The following RELN variants were observed in gnomAD, a reference collection of about 807,000 sequenced individuals.
RELN encodes the protein reelin.
Under a neutral mutation model 427.6 loss-of-function variants are expected in RELN, and 108 were observed. The ratio of observed to expected loss-of-function variants is 0.25; its 90% confidence interval spans 0.22 to 0.30. The LOEUF (loss-of-function observed/expected upper bound fraction) is 0.30. Among genes scored for constraint, RELN ranks in the 10% least tolerant of loss-of-function variants. The pLI is 1.00. For missense variants in RELN, 3,715 were observed against 4,302.8 expected (o/e 0.86, Z 3.82); for synonymous variants, 1,524 against 1,513.4 (o/e 1.01, Z -0.16).
rs182649341 is a variant in RELN at position 103,951,700 on chromosome 7, T to C, written c.227-34515A>G. 6.6e-3 allele frequency among the ~76,000 whole-genome samples: 985 copies of C among 149,884 alleles called. 18 individuals carry two copies. Among genetic ancestry groups the C allele is most frequent in the African/African-American group, 0.023 (921 of 40,458 alleles). On this transcript the variant is annotated intron_variant, in intron 1 of 64. Coordinates refer to ENST00000428762, the MANE Select transcript of RELN (RefSeq NM_005045.4). ...CCTTTTTTTTTTTTAAAATACAGAG[T>C]CTTGTTCTGTTGCCCAGGCTGAAGT... is the stretch of plus-strand genomic sequence containing the variant.
Position 103,968,219 on chromosome 7 carries a change from T to C in RELN, c.226+20912A>G, listed in dbSNP as rs1037442119. 2.0e-5 allele frequency among the ~76,000 whole-genome samples: 3 copies of C among 152,008 alleles called. No homozygotes were observed. Among genetic ancestry groups the C allele is most frequent in the African/African-American group, 7.2e-5 (3 of 41,392 alleles). On this transcript the variant is annotated intron_variant, in intron 1 of 64. Coordinates refer to ENST00000428762, the MANE Select transcript of RELN (RefSeq NM_005045.4). This position sits in a 1 kb window ranked among gnomAD's most constrained non-coding sequence, Gnocchi z 4.3. ...TTTTCCCCCAAACAAGAAAAATATA[T>C]TGGGAGGCTAAACATTACTTTATGA...
Position 103,670,094 on chromosome 7 carries a change from A to G in RELN, c.1290-8567T>C, listed in dbSNP as rs2115616438. On this transcript the variant is annotated intron_variant, in intron 11 of 64. Transcript: ENST00000428762. Reference sequence around the variant, plus strand: ...TATTTTTGTAAGCAAAAAATAATGTAAAGAGGTGTCTTAGCTGGAAAGCTG... The same window carrying G: ...TATTTTTGTAAGCAAAAAATAATGTGAAGAGGTGTCTTAGCTGGAAAGCTG... Among the ~76,000 whole-genome samples, 3 of 152,252 alleles carry G rather than the reference A, an allele frequency of 2.0e-5. No homozygotes were observed. The Middle Eastern group carries it at 0.01, about 518-fold the overall frequency.
At chr7:103,783,156 C>T (rs1025408448) in intron 3 of RELN, among the ~76,000 whole-genome samples, 4 of 89,514 alleles carry the variant, frequency 4.5e-5, no homozygotes, top group African/African-American at 1.0e-4. Flanking sequence ...TTTCTTTTCT[C>T]TTTCTTTCTT....
At chr7:103,924,253 T>C (rs10242789) in intron 1 of RELN, among the ~76,000 whole-genome samples, 120,120 of 152,070 alleles carry the variant, frequency 0.79, 47,528 homozygotes, top group South Asian at 0.85. Context: ...TCTGCTGTAC[T>C]AATTATTATT....
intron 41 of RELN, among the ~76,000 whole-genome samples, chr7:103,546,131 G>A (rs1294956067): frequency 6.6e-6 from 1 of 152,184 alleles, no homozygotes; most frequent in South Asian, 2.1e-4. Flanking sequence ...GAAACCCCAT[G>A]CCCACTGAAC....
intron 3 of RELN, among the ~76,000 whole-genome samples, chr7:103,805,093 T>G (rs1019824919): frequency 3.3e-5 from 5 of 151,884 alleles, no homozygotes; most frequent in Admixed American, 3.3e-4. Context: ...AACAACTCAA[T>G]GTCAAGAAAA....
chr7:103,638,546 T>C (rs997067190), intron 17 of RELN, among the ~76,000 whole-genome samples: 1 of 152,174 alleles, frequency 6.6e-6, no homozygotes, highest in East Asian at 1.9e-4. Context: ...TGGTATTACA[T>C]ATACATTTCT....
intron 20 of RELN, among the ~76,000 whole-genome samples, chr7:103,624,020 GTTAA>G (rs576331203): frequency 5.1e-4 from 78 of 152,076 alleles, no homozygotes; most frequent in African/African-American, 1.8e-3. Flanking sequence ...TAAATTACTG[GTTAA>G]TTGTTAATAA....
rs141930231 is a variant in RELN, at chr7:103,672,802, G to A, written c.1289+9314C>T. The stretch of plus-strand genomic sequence containing the variant: ...TTGGCCATATCATATTACTGATAGT[G>A]ATTATGTTTTGAATAACAACTAATT... On this transcript the variant is annotated intron_variant, in intron 11 of 64. Transcript: ENST00000428762. Among the ~76,000 whole-genome samples the A allele has an allele frequency of 3.9e-3, 589 of 152,172 alleles. 4 individuals carry two copies. Among genetic ancestry groups the A allele is most frequent in the South Asian group, 0.012 (56 of 4,824 alleles).
chr7:103,756,951 T>C (rs572242474), intron 4 of RELN, among the ~76,000 whole-genome samples: 58 of 152,310 alleles, frequency 3.8e-4, no homozygotes, highest in African/African-American at 1.3e-3. Flanking sequence ...ATTTTAATCA[T>C]TTCTCGATAA....
At chr7:103,648,211 G>A (rs1832836913) in intron 16 of RELN, among the ~76,000 whole-genome samples, 1 of 151,934 alleles carries the variant, frequency 6.6e-6, no homozygotes, top group African/African-American at 2.4e-5. Flanking sequence ...TCATGGGGGT[G>A]GATTTCCCCC....
intron 4 of RELN, among the ~76,000 whole-genome samples, chr7:103,754,249 TTC>T (rs1173335345): frequency 1.3e-5 from 2 of 152,142 alleles, no homozygotes; most frequent in African/African-American, 4.8e-5. Flanking sequence ...ATTTTACATA[TTC>T]TGTGTTAATA....
At chr7:103,533,665 C>A (rs1053204887) in intron 46 of RELN, among the ~76,000 whole-genome samples, 1 of 152,150 alleles carries the variant, frequency 6.6e-6, no homozygotes, top group African/African-American at 2.4e-5. Flanking sequence ...GGATGCTCAT[C>A]AGATTTTTCA....
chr7:103,528,497 T>A (rs1013625886), intron 46 of RELN, among the ~76,000 whole-genome samples: 4 of 151,522 alleles, frequency 2.6e-5, no homozygotes, highest in Admixed American at 6.6e-5. Flanking sequence ...TTTTTTTTTA[T>A]TTAGTAATGA....
chr7:103,829,475 A>G (rs1487493808), intron 3 of RELN, among the ~76,000 whole-genome samples: 1 of 151,972 alleles, frequency 6.6e-6, no homozygotes, highest in African/African-American at 2.4e-5. Flanking sequence ...AAAAGTAAAA[A>G]CAAACCATAT....
chr7:103,783,160 CTTTCT>C (rs1216117900), intron 3 of RELN, among the ~76,000 whole-genome samples: 3 of 81,626 alleles, frequency 3.7e-5, no homozygotes, highest in Non-Finnish European at 6.9e-5. Context: ...TTTTCTCTTT[CTTTCT>C]TTTTTTTTTT....
intron 3 of RELN, among the ~76,000 whole-genome samples, chr7:103,807,397 T>G (rs1004778918): frequency 6.6e-6 from 1 of 152,120 alleles, no homozygotes; most frequent in Non-Finnish European, 1.5e-5. Flanking sequence ...AGGATGGAGA[T>G]GAGACTGAAA....
intron 34 of RELN, 67 bp from the exon 35 acceptor site, chr7:103,562,020 A>T: frequency 6.5e-7 from 1 of 1,540,044 alleles, no homozygotes; most frequent in Non-Finnish European, 8.8e-7. Flanking sequence ...GCACAAGGAC[A>T]TTTATTTTAA....
At chr7:103,821,525 G>A (rs995153982) in intron 3 of RELN, among the ~76,000 whole-genome samples, 2 of 152,238 alleles carry the variant, frequency 1.3e-5, no homozygotes, top group African/African-American at 4.8e-5. Flanking sequence ...ATGGTGCTGA[G>A]ATGAGCCAGG....
Sources: gnomAD v4.1 joint callset for allele counts (sites outside exome capture counted in the v4.1 genomes callset) on GRCh38, gnomAD v4.1.1 for gene constraint, Gnocchi (gnomAD v3.1) non-coding constraint, MANE v1.5 for transcripts, NCBI Gene and HGNC (gene_info 2026-07-23, HGNC 2026-07-21) for gene names.